KCNB2: variants seen among roughly 807,000 people sequenced by gnomAD.
KCNB2 encodes potassium voltage-gated channel subfamily B member 2.
Under a neutral mutation model 61.5 loss-of-function variants are expected in KCNB2, and 15 were observed. The ratio of observed to expected loss-of-function variants is 0.24; its 90% CI spans 0.16 to 0.38. The LOEUF (loss-of-function observed/expected upper bound fraction) is 0.38. KCNB2 is among the 10% of genes least tolerant of loss of function. The pLI is 1.00. For missense variants in KCNB2, 828 were observed against 1,125.2 expected (o/e 0.74, Z 3.78); for synonymous variants, 457 against 446.0 (o/e 1.02, Z -0.31).
At chr8:72,779,950 A>C (rs1563382910) in intron 2 of KCNB2, among the ~76,000 whole-genome samples, 1 of 152,186 alleles carries the variant, frequency 6.6e-6, no homozygotes, top group East Asian at 1.9e-4. Context: ...CTGTCTTCCA[A>C]TCACCATGGA....
Position 72,567,978 on chromosome 8 carries a change from C to T in KCNB2, c.244C>T (p.Leu82=), listed in dbSNP as rs1309865623. 2 of 1,614,074 alleles carry T rather than the reference C, an allele frequency of 1.2e-6. No homozygotes were observed. Among genetic ancestry groups the T allele is most frequent in the South Asian group, 2.2e-5 (2 of 91,078 alleles). The change falls in exon 2 of 3, where the codon CTG becomes TTG. Residue 82 remains leucine (L), a synonymous_variant. Coordinates refer to ENST00000523207, the MANE Select transcript of KCNB2 (RefSeq NM_004770.3). ...CCTGGAAGTGTGCGACGACTATAAT[C>T]TGAACGAGAACGAGTATTTCTTTGA... ...SLLEVCDDYN[L]NENEYFFDRH...
chr8:72,595,827 C>G (rs886560438), intron 2 of KCNB2, among the ~76,000 whole-genome samples: 4 of 152,112 alleles, frequency 2.6e-5, no homozygotes, highest in African/African-American at 9.7e-5. Flanking sequence ...ATCCAGCTCT[C>G]GCTTATTTCT....
intron 2 of KCNB2, among the ~76,000 whole-genome samples, chr8:72,850,996 T>C (rs1309669300): frequency 6.6e-6 from 1 of 152,240 alleles, no homozygotes; most frequent in East Asian, 1.9e-4. Flanking sequence ...CTCTCCACTG[T>C]GATTGGCATG....
intron 2 of KCNB2, among the ~76,000 whole-genome samples, chr8:72,714,855 C>T (rs1251878052): frequency 3.3e-5 from 5 of 152,160 alleles, no homozygotes; most frequent in Admixed American, 3.3e-4. Flanking sequence ...AATTAAAAGG[C>T]ACAGACTGGC....
chr8:72,638,364 C>A (rs73688731), intron 2 of KCNB2, among the ~76,000 whole-genome samples: 1,960 of 152,196 alleles, frequency 0.013, 39 homozygotes, highest in African/African-American at 0.045. Flanking sequence ...TGAAGTGAAG[C>A]CTTTTCACTC....
At chr8:72,542,529 CAACTTAA>C (rs959248621) in intron 1 of KCNB2, among the ~76,000 whole-genome samples, 4 of 151,090 alleles carry the variant, frequency 2.6e-5, no homozygotes, top group Admixed American at 6.6e-5. Context: ...AACCCACAGC[CAACTTAA>C]AAATTAAAAA....
intron 2 of KCNB2, among the ~76,000 whole-genome samples, chr8:72,616,387 G>A (rs563259803): frequency 9.8e-5 from 15 of 152,320 alleles, no homozygotes; most frequent in African/African-American, 3.1e-4. Context: ...AGTGTTAAGA[G>A]TTAATCTTAC....
At chr8:72,665,740 A>G (rs1310332169) in intron 2 of KCNB2, among the ~76,000 whole-genome samples, 1 of 121,870 alleles carries the variant, frequency 8.2e-6, no homozygotes, top group Non-Finnish European at 1.8e-5. Context: ...TACAAATTAT[A>G]GGGTTGTGTT....
At position 72,722,918 on chromosome 8, in the gene KCNB2, C is replaced by T. The variant is rs373742947; in HGVS notation, c.579+154605C>T. The stretch of plus-strand genomic sequence containing the variant: ...TGTTCACATTCTCCTAGTCCATGCA[C>T]ACAGAAAACCTCATCATTAGAAAGA... On this transcript the variant is annotated intron_variant, in intron 2 of 2. Transcript: ENST00000523207. 1.2e-4 allele frequency among the ~76,000 whole-genome samples: 18 copies of T among 152,302 alleles called. No homozygotes were observed. In the East Asian group the frequency reaches 2.5e-3, roughly 21 times the overall value.
chr8:72,752,174 A>G (rs1225106961), intron 2 of KCNB2, among the ~76,000 whole-genome samples: 1 of 152,196 alleles, frequency 6.6e-6, no homozygotes, highest in East Asian at 1.9e-4. Flanking sequence ...TAAGGGAAAC[A>G]TGGTTAGTTA....
intron 2 of KCNB2, among the ~76,000 whole-genome samples, chr8:72,687,028 C>T (rs1806864583): frequency 6.6e-6 from 1 of 152,080 alleles, no homozygotes; most frequent in Non-Finnish European, 1.5e-5. Context: ...ACCTAGGGAG[C>T]TCTGTGGGAA....
At chr8:72,838,105 A>G (rs1208356155) in intron 2 of KCNB2, among the ~76,000 whole-genome samples, 2 of 152,160 alleles carry the variant, frequency 1.3e-5, no homozygotes, top group African/African-American at 2.4e-5. Flanking sequence ...TATAGGTATT[A>G]TAGCTATTTT....
At chr8:72,638,279 G>A (rs1805998840) in intron 2 of KCNB2, among the ~76,000 whole-genome samples, 2 of 151,936 alleles carry the variant, frequency 1.3e-5, no homozygotes, top group Non-Finnish European at 2.9e-5. Context: ...TCACATTACA[G>A]TGCAACTAGA....
intron 1 of KCNB2, among the ~76,000 whole-genome samples, chr8:72,561,756 TATATGG>T (rs1435025096): frequency 0.046 from 1,169 of 25,174 alleles, 99 homozygotes; most frequent in African/African-American, 0.25. Context: ...TGTATATATA[TATATGG>T]ATATATATAT....
At chr8:72,798,533 A>G (rs1809069335) in intron 2 of KCNB2, among the ~76,000 whole-genome samples, 1 of 152,076 alleles carries the variant, frequency 6.6e-6, no homozygotes, top group Non-Finnish European at 1.5e-5. Context: ...CAAATAGCTA[A>G]ATATTAAAAC....
At chr8:72,577,402 AC>A (rs1806815182) in intron 2 of KCNB2, among the ~76,000 whole-genome samples, 2 of 152,152 alleles carry the variant, frequency 1.3e-5, no homozygotes, top group Non-Finnish European at 2.9e-5. Context: ...TAAAGAACCC[AC>A]CTGCAGAAAA....
chr8:72,904,278 A>G (rs968002077), intron 2 of KCNB2, among the ~76,000 whole-genome samples: 1 of 152,146 alleles, frequency 6.6e-6, no homozygotes, highest in East Asian at 1.9e-4. Flanking sequence ...TTTGAAAGTT[A>G]TTCACTTTTC....
chr8:72,648,304 C>T (rs867646095), intron 2 of KCNB2, among the ~76,000 whole-genome samples: 17 of 152,232 alleles, frequency 1.1e-4, no homozygotes, highest in South Asian at 2.1e-4. Context: ...TGAGTTTTGA[C>T]TTTTGATAAA....
At chr8:72,620,896 C>G (rs1805704955) in intron 2 of KCNB2, among the ~76,000 whole-genome samples, 1 of 152,210 alleles carries the variant, frequency 6.6e-6, no homozygotes, top group South Asian at 2.1e-4. Flanking sequence ...GCATGAGCCA[C>G]TGTGTCTGGC....
Sources: allele counts gnomAD v4.1 joint callset (sites outside exome capture counted in the v4.1 genomes callset), GRCh38; gene constraint gnomAD v4.1.1; transcripts MANE v1.5; gene names NCBI Gene and HGNC (gene_info 2026-07-23, HGNC 2026-07-21).